The following EXPH5 variants were observed in gnomAD, a reference collection of about 807,000 sequenced individuals.
EXPH5 encodes exophilin-5.
Under a neutral mutation model 41.1 loss-of-function variants are expected in EXPH5, and 42 were observed. That is an observed-to-expected ratio of 1.02 (90% CI 0.80 to 1.32). EXPH5 has a LOEUF of 1.32. Among genes scored for constraint, EXPH5 ranks in the 40% most tolerant of loss-of-function variants. The pLI, the probability that EXPH5 is intolerant of heterozygous loss-of-function variation, is 0.00. For synonymous variants in EXPH5, 798 were observed against 833.5 expected (o/e 0.96, Z 0.73); for missense variants, 2,298 against 2,314.5 (o/e 0.99, Z 0.15).
At chr11:108,579,876 C>G (rs963304370) in intron 1 of EXPH5, among the ~76,000 whole-genome samples, 2 of 152,098 alleles carry the variant, frequency 1.3e-5, no homozygotes, top group Non-Finnish European at 2.9e-5. Flanking sequence ...CTGGCAGCAA[C>G]AGCAGTGGTA....
Position 108,531,697 on chromosome 11 carries a change from ATTTCCCCCCAAGTGTTGGTGGGGCACAC to A in EXPH5, c.444-3541_444-3514del, listed in dbSNP as rs1263296246. Among the ~76,000 whole-genome samples, 4 of 152,266 alleles carry A rather than the reference ATTTCCCCCCAAGTGTTGGTGGGGCACAC, an allele frequency of 2.6e-5. No individual in the cohort carries two copies. The East Asian group carries it at 7.7e-4, about 29-fold the overall frequency. ...CCTTTTCTAACTGGAACCCTGGGTGATTTCCCCCCAAGTGTTGGTGGGGCACACTTTACCCACTGAGGAGGACCTCCAC... is the reference window on the plus strand; with the variant it reads ...CCTTTTCTAACTGGAACCCTGGGTGATTTACCCACTGAGGAGGACCTCCAC... On this transcript the variant is annotated intron_variant, in intron 3 of 5. Transcript: ENST00000265843.
chr11:108,565,255 C>T (rs1485439387), intron 1 of EXPH5, among the ~76,000 whole-genome samples: 1 of 152,084 alleles, frequency 6.6e-6, no homozygotes, highest in Non-Finnish European at 1.5e-5. Context: ...ATTATTTTAG[C>T]CCAGGTACCA....
intron 1 of EXPH5, among the ~76,000 whole-genome samples, chr11:108,586,992 G>A (rs2094115241): frequency 6.6e-6 from 1 of 152,172 alleles, no homozygotes; most frequent in South Asian, 2.1e-4. Context: ...CCTGAATGAA[G>A]GTGAAGGAGA....
At chr11:108,522,836 G>A (rs1056313352) in intron 4 of EXPH5, among the ~76,000 whole-genome samples, 3 of 152,024 alleles carry the variant, frequency 2.0e-5, no homozygotes, top group Admixed American at 2.0e-4. Flanking sequence ...AGAGGATAAG[G>A]ATGTTCAAAC....
chr11:108,513,457 GC>G lies in EXPH5; in HGVS notation c.2049del (p.Pro684LeufsTer14). 1.9e-6 allele frequency: 3 copies of G among 1,613,576 alleles called. No homozygotes were observed. Among genetic ancestry groups the G allele is most frequent in the Non-Finnish European group, 2.5e-6 (3 of 1,179,722 alleles). On this transcript the variant is annotated frameshift_variant, in exon 6 of 6. Coordinates refer to ENST00000265843, the MANE Select transcript of EXPH5 (RefSeq NM_015065.3). LOFTEE classifies it low-confidence loss of function (END_TRUNC). ...TVTSSNSVDSLPLAKSQPNIL... is the reference protein window; with the variant it reads ...TVTSSNSVDSXPLAKSQPNIL... ...ATATTGGGCTGGCTTTTGGCAAGAG[GC>G]AGAGAGTCAACTGAATTGCTGCTGG...
chr11:108,575,272 C>T (rs943937778), intron 1 of EXPH5, among the ~76,000 whole-genome samples: 3 of 152,122 alleles, frequency 2.0e-5, no homozygotes, highest in Admixed American at 6.5e-5. Context: ...AGAAAGGATT[C>T]GTTAAAACAA....
At chr11:108,556,060 T>C (rs949770327) in intron 1 of EXPH5, among the ~76,000 whole-genome samples, 6 of 152,214 alleles carry the variant, frequency 3.9e-5, no homozygotes, top group Non-Finnish European at 5.9e-5. Flanking sequence ...AAAGATCTAA[T>C]TGGCATTTAT....
In EXPH5 at chr11:108,511,766, C is replaced by A. The variant is rs751439680; in HGVS notation, c.3741G>T (p.Leu1247=). The A allele has an allele frequency of 6.2e-7, 1 of 1,611,054 alleles. No individual in the cohort carries two copies. The highest frequency in any genetic ancestry group is 8.5e-7 in the Non-Finnish European group (1 of 1,179,348). The change falls in exon 6 of 6, where the codon CTG becomes CTT. Residue 1247 remains leucine, a synonymous_variant. Transcript: ENST00000265843. Reference sequence around the variant, plus strand: ...GAGTGTAATATATTGAGACCACCTCCAGACATTTTACATTATCTTCATCAC... The same window carrying A: ...GAGTGTAATATATTGAGACCACCTCAAGACATTTTACATTATCTTCATCAC... The part of the protein sequence containing the change: ...VSGDEDNVKC[L]EVVSIYYTLP...
At chr11:108,534,770 A>G (rs2093868265) in intron 3 of EXPH5, among the ~76,000 whole-genome samples, 2 of 152,180 alleles carry the variant, frequency 1.3e-5, no homozygotes, top group Admixed American at 6.5e-5. Context: ...GCTAGGCCAC[A>G]TGGCATCCCT....
intron 3 of EXPH5, among the ~76,000 whole-genome samples, chr11:108,537,259 A>G (rs577827539): frequency 6.6e-6 from 1 of 152,346 alleles, no homozygotes; most frequent in African/African-American, 2.4e-5. Context: ...TAAAAACGAC[A>G]TGCTTTTATA....
rs769328357 is a variant in EXPH5 at position 108,510,837 on chromosome 11, T to C, written c.4670A>G (p.Asp1557Gly). The C allele has an allele frequency of 6.2e-7, 1 of 1,614,092 alleles. No individual in the cohort carries two copies. The highest frequency in any genetic ancestry group is 2.2e-5 in the East Asian group (1 of 44,904). The stretch of plus-strand genomic sequence containing the variant: ...ATCCCAAGCTGACTTCTGCATTTCA[T>C]CTTCAGCCTTCCTGCTCTCTGTCAT... The part of the protein sequence containing the change: ...ANMTESRKAE[D>G]EMQKSAWDQP... The change falls in exon 6 of 6, where the codon GAT (aspartate) becomes GGT (glycine). Residue 1557 changes from aspartate (D) to glycine (G), a missense_variant. Coordinates refer to ENST00000265843, the MANE Select transcript of EXPH5 (RefSeq NM_015065.3).
At chr11:108,556,176 AT>A (rs1466515341) in intron 1 of EXPH5, among the ~76,000 whole-genome samples, 5 of 152,208 alleles carry the variant, frequency 3.3e-5, no homozygotes, top group African/African-American at 1.2e-4. Context: ...AAGTGGACTG[AT>A]TAACATCAGG....
chr11:108,527,598 T>C (rs941336841), intron 4 of EXPH5, among the ~76,000 whole-genome samples: 1 of 152,098 alleles, frequency 6.6e-6, no homozygotes, highest in African/African-American at 2.4e-5. Context: ...GTTATGACCA[T>C]GAAAAAGCAG....
At chr11:108,575,781 C>T (rs932039896) in intron 1 of EXPH5, among the ~76,000 whole-genome samples, 1 of 152,120 alleles carries the variant, frequency 6.6e-6, no homozygotes, top group African/African-American at 2.4e-5. Flanking sequence ...CAAGAACAGC[C>T]TGACCAACAT....
At position 108,513,746 on chromosome 11, in the gene EXPH5, A is replaced by G; in HGVS notation, c.1761T>C (p.Gly587=). ...FGTPNVCSMT[G]SSYHVKSSEL... The stretch of plus-strand genomic sequence containing the variant: ...CACTAGATTTGACGTGATAGCTTGA[A>G]CCAGTCATGGAGCAAACATTTGGTG... The change falls in exon 6 of 6, where the codon GGT becomes GGC. Residue 587 remains glycine, a synonymous_variant. Coordinates refer to ENST00000265843, the MANE Select transcript of EXPH5 (RefSeq NM_015065.3). 1.2e-6 allele frequency: 2 copies of G among 1,610,668 alleles called. No homozygotes were observed. The highest frequency in any genetic ancestry group is 8.5e-7 in the Non-Finnish European group (1 of 1,178,706).
Position 108,528,164 on chromosome 11 carries a change from G to T in EXPH5, c.464C>A (p.Pro155His). ...GQKGCDGHAGPPMPVRGAAVQ... is the reference protein window; with the variant it reads ...GQKGCDGHAGHPMPVRGAAVQ... ...AGCAGCTCCCCTCACAGGCATAGGA[G>T]GTCCTGCATGGCCATCACATCTGTG... Residue 155 changes from proline to histidine, a missense_variant, in exon 4 of 6, where the codon CCT becomes CAT. Transcript: ENST00000265843. The T allele has an allele frequency of 1.2e-6, 2 of 1,610,810 alleles. No individual in the cohort carries two copies. Among genetic ancestry groups the T allele is most frequent in the Non-Finnish European group, 1.7e-6 (2 of 1,177,160 alleles).
At chr11:108,514,932 T>A in intron 5 of EXPH5, 57 bp from the exon 6 acceptor site, 1 of 1,192,852 alleles carries the variant, frequency 8.4e-7, no homozygotes, top group South Asian at 3.0e-5. Flanking sequence ...TTAATAATAA[T>A]TTGAGTTATT....
At chr11:108,560,753 C>CTTATTGTAAAATA in intron 1 of EXPH5, among the ~76,000 whole-genome samples, 1 of 152,256 alleles carries the variant, frequency 6.6e-6, no homozygotes, top group Non-Finnish European at 1.5e-5. Context: ...ATACTGCCAG[C>CTTATTGTAAAATA]AGTACAAACG....
chr11:108,526,518 T>C (rs2093800335), intron 4 of EXPH5, among the ~76,000 whole-genome samples: 1 of 152,226 alleles, frequency 6.6e-6, no homozygotes, highest in Admixed American at 6.5e-5. Flanking sequence ...TCAGTCTGAA[T>C]ACTTCCCCTA....
Sources: allele counts gnomAD v4.1 joint callset (sites outside exome capture counted in the v4.1 genomes callset), GRCh38; gene constraint gnomAD v4.1.1; transcripts MANE v1.5; gene names NCBI Gene and HGNC (gene_info 2026-07-23, HGNC 2026-07-21).